The following CNTN5 variants were observed in gnomAD, a reference collection of about 807,000 sequenced individuals.
CNTN5 encodes contactin 5.
A neutral mutation model predicts 129.1 loss-of-function variants in CNTN5; 77 were observed. That is an observed-to-expected ratio of 0.60 (90% CI 0.50 to 0.72). The LOEUF (loss-of-function observed/expected upper bound fraction) is 0.72, where lower values mean the gene tolerates loss of function less well. CNTN5 is among the 30% of genes least tolerant of loss of function. The pLI is 0.00. For missense variants in CNTN5, 1,478 were observed against 1,328.8 expected (o/e 1.11, Z -1.75); for synonymous variants, 509 against 465.6 (o/e 1.09, Z -1.20).
At chr11:99,816,855 C>G (rs1946603778) in intron 3 of CNTN5, among the ~76,000 whole-genome samples, 1 of 152,296 alleles carries the variant, frequency 6.6e-6, no homozygotes, top group Middle Eastern at 3.4e-3. Flanking sequence ...ATCCACCAAG[C>G]AGGCCATGGT....
At chr11:99,809,258 A>G (rs1946360974) in intron 3 of CNTN5, among the ~76,000 whole-genome samples, 1 of 152,208 alleles carries the variant, frequency 6.6e-6, no homozygotes, top group Non-Finnish European at 1.5e-5. Flanking sequence ...GCTAAAACAA[A>G]TTGTGAGTAT....
At chr11:100,190,718 G>GT (rs1948455580) in intron 13 of CNTN5, among the ~76,000 whole-genome samples, 1 of 107,266 alleles carries the variant, frequency 9.3e-6, no homozygotes, top group Non-Finnish European at 1.8e-5. Flanking sequence ...ACTCCTCTAT[G>GT]TTTTTATGCT....
chr11:99,520,513 G>C (rs577350631), intron 2 of CNTN5, among the ~76,000 whole-genome samples: 5 of 152,102 alleles, frequency 3.3e-5, no homozygotes, highest in Non-Finnish European at 7.4e-5. Context: ...CTCTGGAAAA[G>C]AATTAAGCAG....
intron 3 of CNTN5, among the ~76,000 whole-genome samples, chr11:99,750,743 C>G (rs1944204975): frequency 6.6e-6 from 1 of 152,154 alleles, no homozygotes; most frequent in South Asian, 2.1e-4. Flanking sequence ...ATACTTATCA[C>G]ACGAACAATA....
At chr11:99,436,168 T>C (rs1943592407) in intron 2 of CNTN5, among the ~76,000 whole-genome samples, 2 of 152,134 alleles carry the variant, frequency 1.3e-5, no homozygotes. Flanking sequence ...CAATTGACTG[T>C]AGTGGTGGCA....
At chr11:99,958,767 G>A (rs978505695) in intron 8 of CNTN5, among the ~76,000 whole-genome samples, 8 of 152,228 alleles carry the variant, frequency 5.3e-5, no homozygotes, top group Middle Eastern at 3.4e-3. Flanking sequence ...TTCTTAAGAC[G>A]TTATTGCATT....
chr11:99,342,014 A>G (rs1866534464), intron 2 of CNTN5, among the ~76,000 whole-genome samples: 1 of 152,230 alleles, frequency 6.6e-6, no homozygotes, highest in South Asian at 2.1e-4. Flanking sequence ...TTGATTCAAG[A>G]GCATCTTGGC....
intron 2 of CNTN5, among the ~76,000 whole-genome samples, chr11:99,479,605 A>G (rs1565217025): frequency 1.3e-5 from 2 of 152,094 alleles, no homozygotes; most frequent in South Asian, 4.1e-4. Context: ...GAAATACATC[A>G]TACCAAGCCA....
intron 3 of CNTN5, among the ~76,000 whole-genome samples, chr11:99,726,135 GC>G (rs1565464880): frequency 1.3e-5 from 2 of 152,062 alleles, no homozygotes; most frequent in South Asian, 2.1e-4. Flanking sequence ...TATCTCTGGG[GC>G]CACATCCACC....
intron 3 of CNTN5, among the ~76,000 whole-genome samples, chr11:99,611,248 A>G (rs1950584527): frequency 6.6e-6 from 1 of 152,170 alleles, no homozygotes; most frequent in Non-Finnish European, 1.5e-5. Flanking sequence ...AACTACATCA[A>G]AAGAATACTC....
chr11:99,214,902 A>G (rs1425043191), intron 1 of CNTN5, among the ~76,000 whole-genome samples: 1 of 152,076 alleles, frequency 6.6e-6, no homozygotes, highest in Non-Finnish European at 1.5e-5. Context: ...ATGCTTGAGT[A>G]TTTCAAGTGA....
chr11:99,538,391 T>A (rs1481415018), intron 2 of CNTN5, among the ~76,000 whole-genome samples: 4 of 152,174 alleles, frequency 2.6e-5, no homozygotes, highest in Admixed American at 6.5e-5. Flanking sequence ...CTTCAATGTG[T>A]TAGCATTATA....
At chr11:100,295,493 G>C (rs994558904) in intron 18 of CNTN5, among the ~76,000 whole-genome samples, 2 of 150,672 alleles carry the variant, frequency 1.3e-5, no homozygotes, top group East Asian at 3.9e-4. Flanking sequence ...ATCTAAATTG[G>C]TAAATTGTTT....
chr11:99,569,155 T>C (rs1949098294), intron 3 of CNTN5, among the ~76,000 whole-genome samples: 1 of 152,118 alleles, frequency 6.6e-6, no homozygotes, highest in South Asian at 2.1e-4. Context: ...GCAATTATGA[T>C]TTTTACATGT....
chr11:99,131,179 C>T (rs1186001516), intron 1 of CNTN5, among the ~76,000 whole-genome samples: 2 of 127,000 alleles, frequency 1.6e-5, no homozygotes, highest in Non-Finnish European at 3.2e-5. Context: ...ACCTGGGAGG[C>T]GGAGCTTGCA....
intron 1 of CNTN5, among the ~76,000 whole-genome samples, chr11:99,180,381 C>G (rs555582727): frequency 6.6e-6 from 1 of 152,174 alleles, no homozygotes; most frequent in East Asian, 1.9e-4. Flanking sequence ...GAGGAGAGGT[C>G]TCATGAAGTT....
At chr11:99,947,457 A>G (rs765818379) in intron 7 of CNTN5, among the ~76,000 whole-genome samples, 1 of 152,078 alleles carries the variant, frequency 6.6e-6, no homozygotes, top group Non-Finnish European at 1.5e-5. Context: ...TTCATGGTGC[A>G]TGGCAACGTG....
At chr11:99,609,082 T>C (rs1950518970) in intron 3 of CNTN5, among the ~76,000 whole-genome samples, 1 of 152,178 alleles carries the variant, frequency 6.6e-6, no homozygotes, top group Non-Finnish European at 1.5e-5. Context: ...GGAAATGACG[T>C]GGTTATGACA....
At chr11:100,256,682 C>A (rs755122581) in intron 17 of CNTN5, among the ~76,000 whole-genome samples, 1 of 151,982 alleles carries the variant, frequency 6.6e-6, no homozygotes, top group Non-Finnish European at 1.5e-5. Context: ...ATTGCCTCAC[C>A]CAGGAAGCAT....
Sources: allele counts gnomAD v4.1 joint callset (sites outside exome capture counted in the v4.1 genomes callset), GRCh38; gene constraint gnomAD v4.1.1; transcripts MANE v1.5; gene names NCBI Gene and HGNC (gene_info 2026-07-23, HGNC 2026-07-21).